Variants in MGAM2 observed in about 807,000 individuals in gnomAD.
The protein encoded by MGAM2 is probable maltase-glucoamylase 2.
MGAM2 carries 98 observed loss-of-function variants against 96.1 expected under a neutral mutation model. The observed-to-expected ratio is 1.02, with a 90% CI of 0.87 to 1.21. MGAM2 has a LOEUF of 1.21. MGAM2 is among the 50% of genes most tolerant of loss of function. The pLI is 0.00. For synonymous variants in MGAM2, 749 were observed against 414.8 expected (o/e 1.81, Z -9.79); for missense variants, 2,055 against 1,182.4 (o/e 1.74, Z -10.82).
At chr7:142,200,784 C>T (rs929674929) in intron 45 of MGAM2, among the ~76,000 whole-genome samples, 3 of 152,052 alleles carry the variant, frequency 2.0e-5, no homozygotes, top group Non-Finnish European at 4.4e-5. Flanking sequence ...CTTTACAACA[C>T]ATGTTAAAGA....
chr7:142,158,244 C>T lies in MGAM2; in HGVS notation c.2079-4C>T. On this transcript the variant is annotated splice_region_variant and splice_polypyrimidine_tract_variant and intron_variant, in intron 18 of 47. Transcript: ENST00000477922. ...CTGCCTTCACTGTGCTACCTCTTTA[C>T]TAGGTTCTACCAGGACTCAGCCACG... The T allele has an allele frequency of 1.4e-6, 1 of 702,984 alleles. No individual in the cohort carries two copies. The highest frequency in any genetic ancestry group is 1.5e-5 in the South Asian group (1 of 67,602). The allele number at this position is 702,984 out of a possible 1,614,324, so 43.5% of individuals were successfully genotyped here.
chr7:142,212,901 G>A (rs191615851), intron 46 of MGAM2, among the ~76,000 whole-genome samples: 6 of 152,140 alleles, frequency 3.9e-5, no homozygotes, highest in African/African-American at 9.6e-5. Context: ...AGCACCAATA[G>A]CACTTATTCG....
At chr7:142,163,409 G>A (rs1795947093) in intron 23 of MGAM2, among the ~76,000 whole-genome samples, 2 of 152,146 alleles carry the variant, frequency 1.3e-5, no homozygotes, top group Admixed American at 1.3e-4. Flanking sequence ...AGCCTCCTGA[G>A]TAGCTGGGAT....
At chr7:142,202,744 G>A (rs1797279190) in intron 45 of MGAM2, among the ~76,000 whole-genome samples, 1 of 152,064 alleles carries the variant, frequency 6.6e-6, no homozygotes, top group Non-Finnish European at 1.5e-5. Flanking sequence ...TTGATTCCAT[G>A]TCTTTGTAAT....
At chr7:142,212,477 C>T (rs960530527) in intron 46 of MGAM2, among the ~76,000 whole-genome samples, 7 of 152,160 alleles carry the variant, frequency 4.6e-5, no homozygotes, top group Admixed American at 4.6e-4. Context: ...TGCAAAGACA[C>T]ACTAGGCTCA....
chr7:142,173,374 C>A lies in MGAM2; in HGVS notation c.3687+20C>A, dbSNP rs1470305602. On this transcript the variant is annotated intron_variant, in intron 31 of 47. Transcript: ENST00000477922. ...CCCTATGTATGAAACCCTCACTCAGCCCAAGGTGTAATTAGTTACAGGAAT... is the reference window on the plus strand; with the variant it reads ...CCCTATGTATGAAACCCTCACTCAGACCAAGGTGTAATTAGTTACAGGAAT... 4 of 700,632 alleles carry A rather than the reference C, an allele frequency of 5.7e-6. No individual in the cohort carries two copies. The highest frequency in any genetic ancestry group is 1.5e-5 in the South Asian group (1 of 67,398). 43.4% of individuals were successfully genotyped at this position (700,632 alleles called of 1,614,324 possible). A position where few individuals can be genotyped will look rare whatever the true frequency, so the allele number is the denominator to read the frequency against.
In MGAM2 at chr7:142,166,059, C is replaced by G. The variant is rs748771598; in HGVS notation, c.2653-39C>G. 23 of 637,438 alleles carry G rather than the reference C, an allele frequency of 3.6e-5. No individual in the cohort carries two copies. The South Asian group carries it at 4.2e-4, about 12-fold the overall frequency. 39.5% of individuals were successfully genotyped at this position (637,438 alleles called of 1,614,324 possible). ...CAAGAACTCTTTCTGGGTGGCTTTCCCTCCCTTCCTTTGTCACTGTGACTG... is the reference window on the plus strand; with the variant it reads ...CAAGAACTCTTTCTGGGTGGCTTTCGCTCCCTTCCTTTGTCACTGTGACTG... On this transcript the variant is annotated intron_variant, in intron 24 of 47. Transcript: ENST00000477922.
intron 37 of MGAM2, among the ~76,000 whole-genome samples, chr7:142,194,688 A>ATGTGTGTGTGTG (rs1491431748): frequency 8.9e-6 from 1 of 112,240 alleles, no homozygotes; most frequent in Admixed American, 8.4e-5. Context: ...TTAATAGAAC[A>ATGTGTGTGTGTG]TGTGTGTATG....
At chr7:142,185,262 A>G in intron 34 of MGAM2, 123 bp downstream of exon 34, 1 of 554,586 alleles carries the variant, frequency 1.8e-6, no homozygotes, top group Non-Finnish European at 3.2e-6. Flanking sequence ...GTGCTTATCC[A>G]CTGTTAGTTT....
chr7:142,175,268 C>T (rs181853881), intron 31 of MGAM2, among the ~76,000 whole-genome samples: 20 of 152,206 alleles, frequency 1.3e-4, no homozygotes, highest in Admixed American at 1.2e-3. Flanking sequence ...TAGAAAAAAA[C>T]CCCAGATATA....
chr7:142,161,790 A>G (rs565120349), intron 22 of MGAM2, among the ~76,000 whole-genome samples, 165 bp from the exon 23 acceptor site: 1 of 152,298 alleles, frequency 6.6e-6, no homozygotes, highest in South Asian at 2.1e-4. Context: ...GAATTTAGAG[A>G]AAATGGTCCA....
chr7:142,157,906 A>G (rs1409348490), intron 17 of MGAM2, 31 bp from the exon 18 acceptor site: 1 of 700,882 alleles, frequency 1.4e-6, no homozygotes, highest in Non-Finnish European at 2.6e-6. Context: ...ATGGAAAGAA[A>G]TATTCAGCCA....
At position 142,199,958 on chromosome 7, in the gene MGAM2, A is replaced by G. The variant is rs757801484; in HGVS notation, c.5127A>G (p.Gly1709=). ...AAGGCCAGGTGTTCTGGGATGATGG[A>G]CAAAGCATTGGTGAGTATAAACTTT... ...TAEGQVFWDD[G]QSIDTYENGN... Residue 1709 remains glycine (G), a synonymous_variant, in exon 45 of 48, where the codon GGA becomes GGG. Transcript: ENST00000477922. 3.0e-5 allele frequency: 21 copies of G among 689,278 alleles called. No individual in the cohort carries two copies. In the Admixed American group the frequency reaches 4.3e-4, roughly 14 times the overall value. 42.7% of individuals were successfully genotyped at this position (689,278 alleles called of 1,614,324 possible). A position where few individuals can be genotyped will look rare whatever the true frequency, so the allele number is the denominator to read the frequency against.
chr7:142,145,804 C>T (rs1795366007), intron 14 of MGAM2, among the ~76,000 whole-genome samples: 1 of 152,044 alleles, frequency 6.6e-6, no homozygotes, highest in Admixed American at 6.6e-5. Flanking sequence ...GGAAGGTGTA[C>T]CCAATTGGCC....
chr7:142,164,962 T>G lies in MGAM2; in HGVS notation c.2591T>G (p.Ile864Ser). The change falls in exon 24 of 48, where the codon ATC becomes AGC. Residue 864 changes from isoleucine (I) to serine (S), a missense_variant. By Grantham distance (142) the Ile-to-Ser change is moderately radical. Coordinates refer to ENST00000477922, the MANE Select transcript of MGAM2 (RefSeq NM_001293626.2). Reference sequence around the variant, plus strand: ...ATGGACAAACAGCCAGCTAATTTTATCGTCCTACTGAATAATGTTGCCACC... The same window carrying G: ...ATGGACAAACAGCCAGCTAATTTTAGCGTCCTACTGAATAATGTTGCCACC... ...LGMDKQPANF[I>S]VLLNNVATSS... is the part of the protein sequence containing the mutation. 1.4e-6 allele frequency: 1 copy of G among 702,854 alleles called. No homozygotes were observed. The highest frequency in any genetic ancestry group is 2.6e-6 in the Non-Finnish European group (1 of 384,922). The allele number at this position is 702,854 out of a possible 1,614,324, so 43.5% of individuals were successfully genotyped here.
In MGAM2 at chr7:142,144,138, T is replaced by G. The variant is rs1337860481; in HGVS notation, c.1431+256T>G. Among the ~76,000 whole-genome samples the G allele has an allele frequency of 3.3e-5, 5 of 152,330 alleles. No individual in the cohort carries two copies. In the East Asian group the frequency reaches 9.6e-4, roughly 29 times the overall value. On this transcript the variant is annotated intron_variant, in intron 13 of 47. Transcript: ENST00000477922. ...AGTTTTTGCTTTCTCCATTAACTGG[T>G]TGTCAGCTTAAAAATACTGTTTTAT...
Position 142,199,860 on chromosome 7 carries a change from C to CTTT in MGAM2, c.5049-8_5049-6dup, listed in dbSNP as rs370452030. 1,938 of 588,426 alleles carry CTTT rather than the reference C, an allele frequency of 3.3e-3. 1 individual carries two copies. Among genetic ancestry groups the CTTT allele is most frequent in the South Asian group, 4.8e-3 (242 of 50,488 alleles). The allele number at this position is 588,426 out of a possible 1,614,324, so 36.5% of individuals were successfully genotyped here. Reference sequence around the variant, plus strand: ...ACCTACAATCTAGAGAAAAATAACTCTTTTTTTTTTTTTTGGTAGTCGACA... The same window carrying CTTT: ...ACCTACAATCTAGAGAAAAATAACTCTTTTTTTTTTTTTTTTTGGTAGTCGACA... On this transcript the variant is annotated intron_variant, in intron 44 of 47. Coordinates refer to ENST00000477922, the MANE Select transcript of MGAM2 (RefSeq NM_001293626.2).
chr7:142,131,681 A>G, intron 5 of MGAM2, 54 bp downstream of exon 5: 1 of 695,294 alleles, frequency 1.4e-6, no homozygotes. Flanking sequence ...GTGTGCTCAC[A>G]TTGGGCTTGA....
chr7:142,219,822 G>T (rs1295100612), intron 47 of MGAM2, 48 bp from the exon 48 acceptor site: 2 of 639,686 alleles, frequency 3.1e-6, no homozygotes, highest in South Asian at 3.6e-5. Context: ...TACATGTGAG[G>T]TTTAAGAAGT....
Sources: gnomAD v4.1 joint callset for allele counts (sites outside exome capture counted in the v4.1 genomes callset) on GRCh38, gnomAD v4.1.1 for gene constraint, MANE v1.5 for transcripts, NCBI Gene and HGNC (gene_info 2026-07-23, HGNC 2026-07-21) for gene names.